The following TCN2 variants were observed in gnomAD, a reference collection of about 807,000 sequenced individuals.
TCN2 encodes the protein transcobalamin-2.
In TCN2, 34 loss-of-function variants were observed where a neutral mutation model predicts 48.6. The observed-to-expected ratio is 0.70, with a 90% CI of 0.53 to 0.93. The LOEUF is 0.93. Ranked by LOEUF, TCN2 falls within the 40% of genes least tolerant of loss-of-function variation. TCN2 has a pLI of 0.00. For synonymous variants in TCN2, 283 were observed against 212.5 expected (o/e 1.33, Z -2.89); for missense variants, 652 against 526.1 (o/e 1.24, Z -2.34).
intron 4 of TCN2, 33 bp from the exon 5 acceptor site, chr22:30,615,268 C>T (rs373065250): frequency 4.8e-5 from 77 of 1,613,748 alleles, no homozygotes; most frequent in Non-Finnish European, 6.4e-5. Context: ...TTTGGCTCTC[C>T]AGCTCATTGC....
At chr22:30,613,399 C>T (rs184056614) in intron 3 of TCN2, among the ~76,000 whole-genome samples, 1 of 152,300 alleles carries the variant, frequency 6.6e-6, no homozygotes, top group Non-Finnish European at 1.5e-5. Flanking sequence ...CCTGCCTCAG[C>T]CTCCTGAGTA....
intron 1 of TCN2, among the ~76,000 whole-genome samples, chr22:30,608,164 C>G (rs1174620952): frequency 6.6e-6 from 1 of 152,180 alleles, no homozygotes; most frequent in African/African-American, 2.4e-5. Flanking sequence ...GGGCCGCCCA[C>G]GCGCCTTTTC....
At chr22:30,616,487 CA>C (rs58169513) in intron 6 of TCN2, among the ~76,000 whole-genome samples, 7,360 of 94,432 alleles carry the variant, frequency 0.078, 246 homozygotes, top group African/African-American at 0.14. Flanking sequence ...GACTATGTCT[CA>C]AAAAAAAAAA....
At position 30,624,076 on chromosome 22, in the gene TCN2, A is replaced by ATT. The variant is rs1216729147; in HGVS notation, c.1222+994_1222+995insTT. Among the ~76,000 whole-genome samples the ATT allele has an allele frequency of 4.1e-5, 4 of 97,754 alleles. 1 individual carries two copies. Among genetic ancestry groups the ATT allele is most frequent in the Non-Finnish European group, 7.9e-5 (4 of 50,600 alleles). The allele number at this position is 97,754 out of a possible 152,430, so 64.1% of individuals were successfully genotyped here. A position where few individuals can be genotyped will look rare whatever the true frequency, so the allele number is the denominator to read the frequency against. ...CACACACACACATATATATATATAT[A>ATT]TATATTTTTTTTTTTTGAGATGGAG... On this transcript the variant is annotated intron_variant, in intron 8 of 8. Transcript: ENST00000215838.
chr22:30,614,155 C>G (rs2087577478), intron 3 of TCN2, among the ~76,000 whole-genome samples, 194 bp from the exon 4 acceptor site: 1 of 152,218 alleles, frequency 6.6e-6, no homozygotes, highest in Admixed American at 6.5e-5. Context: ...TGCCATGGGT[C>G]TCCTGCTTCC....
At chr22:30,624,409 CTT>C (rs1184562081) in intron 8 of TCN2, among the ~76,000 whole-genome samples, 1 of 152,022 alleles carries the variant, frequency 6.6e-6, no homozygotes, top group Non-Finnish European at 1.5e-5. Context: ...TGTTCCTACT[CTT>C]GTTATTTAAG....
At chr22:30,610,195 G>A (rs1349194993) in intron 1 of TCN2, 1 of 470,894 alleles carries the variant, frequency 2.1e-6, no homozygotes, top group Non-Finnish European at 4.4e-6. Flanking sequence ...TGTTTTCTAA[G>A]AGCTCATCTC....
At position 30,623,963 on chromosome 22, in the gene TCN2, TACACAC is replaced by T. The variant is rs766944090; in HGVS notation, c.1222+884_1222+889del. ...ACACACACACATATGTATACATATA[TACACAC>T]ACATATATATGTATACATATATACA... On this transcript the variant is annotated intron_variant, in intron 8 of 8. Transcript: ENST00000215838. Among the ~76,000 whole-genome samples, 9 of 31,162 alleles carry T rather than the reference TACACAC, an allele frequency of 2.9e-4. 1 individual carries two copies. The highest frequency in any genetic ancestry group is 1.4e-3 in the South Asian group (3 of 2,116). 20.4% of individuals were successfully genotyped at this position (31,162 alleles called of 152,430 possible). A position where few individuals can be genotyped will look rare whatever the true frequency, so the allele number is the denominator to read the frequency against.
rs777423077 is a variant in TCN2 at position 30,617,450 on chromosome 22, C to G, written c.1061C>G (p.Thr354Ser). ...RQSISVLAGSTVEDVLKKAHE... is the reference protein window; with the variant it reads ...RQSISVLAGSSVEDVLKKAHE... ...TCCATCTCTGTTCTGGCCGGGTCCA[C>G]CGTGGAAGATGTCCTGAAGAAGGCC... Residue 354 changes from threonine (T) to serine (S), a missense_variant, in exon 7 of 9, where the codon ACC (threonine) becomes AGC (serine). By Grantham distance (58) the Thr-to-Ser change is moderately conservative. Coordinates refer to ENST00000215838, the MANE Select transcript of TCN2 (RefSeq NM_000355.4). 2 of 1,614,140 alleles carry G rather than the reference C, an allele frequency of 1.2e-6. No individual in the cohort carries two copies. Among genetic ancestry groups the G allele is most frequent in the Non-Finnish European group, 1.7e-6 (2 of 1,180,028 alleles).
At chr22:30,610,045 ACTACT>A (rs1229527461) in intron 1 of TCN2, among the ~76,000 whole-genome samples, 14 of 152,246 alleles carry the variant, frequency 9.2e-5, no homozygotes, top group South Asian at 4.2e-4. Context: ...TCCGAGGCAA[ACTACT>A]CTAAGCTACC....
chr22:30,626,069 A>G (rs2145563046), intron 8 of TCN2, among the ~76,000 whole-genome samples: 1 of 152,244 alleles, frequency 6.6e-6, no homozygotes, highest in Non-Finnish European at 1.5e-5. Context: ...TGAATGACAG[A>G]GCTGGGGCTT....
intron 8 of TCN2, among the ~76,000 whole-genome samples, chr22:30,625,357 T>C (rs1466598117): frequency 6.6e-6 from 1 of 151,970 alleles, no homozygotes; most frequent in Non-Finnish European, 1.5e-5. Flanking sequence ...TGTTCTCACA[T>C]GGTGGAAGGA....
intron 8 of TCN2, 72 bp downstream of exon 8, chr22:30,623,155 C>A: frequency 6.7e-7 from 1 of 1,500,292 alleles, no homozygotes; most frequent in Non-Finnish European, 9.3e-7. Context: ...TTCATCAACT[C>A]ACCCCAGCTT....
intron 7 of TCN2, among the ~76,000 whole-genome samples, chr22:30,618,349 T>TTTTA (rs981105526): frequency 3.3e-5 from 5 of 151,932 alleles, no homozygotes; most frequent in African/African-American, 9.7e-5. Flanking sequence ...ATTTGTTTAT[T>TTTTA]TTTATTTATT....
rs116605132 is a variant in TCN2 at position 30,610,895 on chromosome 22, T to A, written c.89T>A (p.Leu30Gln). ...GAAATACCAGAGATGGACAGCCATC[T>A]GGTAGAGAAGTTGGGCCAGCACCTC... The part of the protein sequence containing the change: ...MCEIPEMDSH[L>Q]VEKLGQHLLP... Residue 30 changes from leucine to glutamine, a missense_variant, in exon 2 of 9, where the codon CTG (leucine) becomes CAG (glutamine). Physicochemically the swap from Leu to Gln is moderately radical, Grantham distance 113. Coordinates refer to ENST00000215838, the MANE Select transcript of TCN2 (RefSeq NM_000355.4). 6.2e-7 allele frequency: 1 copy of A among 1,614,132 alleles called. No homozygotes were observed. The highest frequency in any genetic ancestry group is 8.5e-7 in the Non-Finnish European group (1 of 1,180,056).
In TCN2 at chr22:30,607,282, C is replaced by G; in HGVS notation, c.-50C>G. ...CAGGAGAGCCTCAGCAGGGCCAGCC[C>G]CAGGAGTCTTTCCCGATTCTTGCTC... On this transcript the variant is annotated 5_prime_UTR_variant, in exon 1 of 9. Coordinates refer to ENST00000215838, the MANE Select transcript of TCN2 (RefSeq NM_000355.4). The G allele has an allele frequency of 6.2e-7, 1 of 1,609,136 alleles. No homozygotes were observed. The highest frequency in any genetic ancestry group is 8.5e-7 in the Non-Finnish European group (1 of 1,175,542).
intron 1 of TCN2, chr22:30,610,373 C>A (rs188881749): frequency 6.6e-6 from 3 of 454,140 alleles, no homozygotes; most frequent in Non-Finnish European, 1.4e-5. Flanking sequence ...TTTTTGTAAA[C>A]GGGTAGCACA....
chr22:30,612,195 T>C (rs955499217), intron 2 of TCN2, among the ~76,000 whole-genome samples: 2 of 151,928 alleles, frequency 1.3e-5, no homozygotes, highest in Non-Finnish European at 2.9e-5. Context: ...CAGTGAGCCA[T>C]GGTGGCACCA....
Position 30,623,803 on chromosome 22 carries a change from T to TATATACACACACATATATACAC in TCN2, c.1222+721_1222+722insTATACACACACATATATACACA, listed in dbSNP as rs57088816. Among the ~76,000 whole-genome samples the TATATACACACACATATATACAC allele has an allele frequency of 1.1e-4, 7 of 61,600 alleles. 3 individuals carry two copies. The highest frequency in any genetic ancestry group is 1.1e-3 in the African/African-American group (7 of 6,538). 40.4% of individuals were successfully genotyped at this position (61,600 alleles called of 152,430 possible). A position where few individuals can be genotyped will look rare whatever the true frequency, so the allele number is the denominator to read the frequency against. Reference sequence around the variant, plus strand: ...ATATATGTATACATATATACACACATACACATATATACACACACATACACA... The same window carrying TATATACACACACATATATACAC: ...ATATATGTATACATATATACACACATATATACACACACATATATACACACACATATATACACACACATACACA... On this transcript the variant is annotated intron_variant, in intron 8 of 8. Transcript: ENST00000215838.
Sources: allele counts gnomAD v4.1 joint callset (sites outside exome capture counted in the v4.1 genomes callset), GRCh38; gene constraint gnomAD v4.1.1; transcripts MANE v1.5; gene names NCBI Gene and HGNC (gene_info 2026-07-23, HGNC 2026-07-21).